SPIDR: variants seen among roughly 807,000 people sequenced by gnomAD.
SPIDR encodes the protein scaffold protein involved in DNA repair.
Under a neutral mutation model 104.6 loss-of-function variants are expected in SPIDR, and 93 were observed. The observed-to-expected ratio is 0.89, with a 90% CI of 0.75 to 1.06. The LOEUF (loss-of-function observed/expected upper bound fraction) is 1.06, where lower values mean the gene tolerates loss of function less well. Ranked by LOEUF, SPIDR falls within the 50% of genes least tolerant of loss-of-function variation. SPIDR has a pLI of 0.00. For missense variants in SPIDR, 1,154 were observed against 1,111.2 expected (o/e 1.04, Z -0.55); for synonymous variants, 431 against 416.9 (o/e 1.03, Z -0.41).
chr8:47,421,945 T>A (rs2154334962), intron 7 of SPIDR, among the ~76,000 whole-genome samples: 1 of 152,290 alleles, frequency 6.6e-6, no homozygotes, highest in African/African-American at 2.4e-5. Flanking sequence ...GAACAGCAAA[T>A]GTTGCAGCCT....
At chr8:47,331,145 T>A (rs1186452803) in intron 5 of SPIDR, among the ~76,000 whole-genome samples, 1 of 152,258 alleles carries the variant, frequency 6.6e-6, no homozygotes, top group East Asian at 1.9e-4. Flanking sequence ...CATCTGTATC[T>A]GTATCTTCTT....
intron 5 of SPIDR, among the ~76,000 whole-genome samples, chr8:47,314,065 T>C (rs1325810056): frequency 6.6e-6 from 1 of 152,212 alleles, no homozygotes; most frequent in African/African-American, 2.4e-5. Context: ...TGTGACTGTT[T>C]AAAGCAGAAA....
chr8:47,720,293 C>T (rs957801849), intron 16 of SPIDR, among the ~76,000 whole-genome samples: 2 of 152,170 alleles, frequency 1.3e-5, no homozygotes, highest in Non-Finnish European at 2.9e-5. Flanking sequence ...CTGCAATAGA[C>T]GTTTGTGAAG....
intron 7 of SPIDR, among the ~76,000 whole-genome samples, chr8:47,423,027 C>T (rs1229685345): frequency 2.0e-5 from 3 of 152,016 alleles, no homozygotes; most frequent in Non-Finnish European, 4.4e-5. Context: ...AGCCAAAGGC[C>T]GGGTGTGGTG....
chr8:47,630,206 T>C (rs1434483381), intron 10 of SPIDR, among the ~76,000 whole-genome samples: 2 of 152,078 alleles, frequency 1.3e-5, no homozygotes, highest in South Asian at 2.1e-4. Context: ...AAAACCCTTA[T>C]AGGAGAATTT....
rs1469946897 is a variant in SPIDR, at chr8:47,554,395, T to C, written c.1098-41416T>C. 6.6e-5 allele frequency among the ~76,000 whole-genome samples: 10 copies of C among 152,194 alleles called. No homozygotes were observed. In the South Asian group the frequency reaches 1.9e-3, roughly 28 times the overall value. The stretch of plus-strand genomic sequence containing the variant: ...CAGGCCTCCTTGAGCTGTGATAGGC[T>C]CCACCCAGTTTGAACTTCCCGGCAC... On this transcript the variant is annotated intron_variant, in intron 8 of 19. Coordinates refer to ENST00000297423, the MANE Select transcript of SPIDR (RefSeq NM_001080394.4).
At chr8:47,549,997 T>G (rs1425316304) in intron 8 of SPIDR, among the ~76,000 whole-genome samples, 1 of 152,216 alleles carries the variant, frequency 6.6e-6, no homozygotes, top group Non-Finnish European at 1.5e-5. Flanking sequence ...TAGCCAGTTT[T>G]CCCAGCACCA....
chr8:47,415,155 G>A (rs527361532), intron 7 of SPIDR, among the ~76,000 whole-genome samples: 1 of 152,118 alleles, frequency 6.6e-6, no homozygotes, highest in Middle Eastern at 3.4e-3. Flanking sequence ...CTCCCGCCTC[G>A]GCCTCCCAGA....
chr8:47,728,071 C>T (rs995216662), intron 17 of SPIDR, among the ~76,000 whole-genome samples: 4 of 149,850 alleles, frequency 2.7e-5, no homozygotes, highest in South Asian at 2.1e-4. Context: ...GAGCCGAGAT[C>T]ACACCACTGC....
At chr8:47,692,214 C>T (rs900641122) in intron 11 of SPIDR, among the ~76,000 whole-genome samples, 3 of 152,036 alleles carry the variant, frequency 2.0e-5, no homozygotes, top group African/African-American at 4.8e-5. Flanking sequence ...TTAAAGTGTA[C>T]GAATCATTGG....
At chr8:47,613,073 G>A (rs1225882416) in intron 10 of SPIDR, among the ~76,000 whole-genome samples, 2 of 152,052 alleles carry the variant, frequency 1.3e-5, no homozygotes, top group Non-Finnish European at 2.9e-5. Flanking sequence ...TCACAATGCT[G>A]TACTACCAAC....
intron 10 of SPIDR, among the ~76,000 whole-genome samples, chr8:47,612,222 G>C: frequency 6.6e-6 from 1 of 152,162 alleles, no homozygotes; most frequent in Non-Finnish European, 1.5e-5. Flanking sequence ...GGCTTATTCA[G>C]CTTTGTACCT....
At chr8:47,441,701 AG>A (rs1335081253) in intron 8 of SPIDR, among the ~76,000 whole-genome samples, 1 of 152,120 alleles carries the variant, frequency 6.6e-6, no homozygotes, top group Non-Finnish European at 1.5e-5. Context: ...TTTGTATCAT[AG>A]ATAGAAAGGT....
At chr8:47,423,288 C>T (rs1160940921) in intron 7 of SPIDR, among the ~76,000 whole-genome samples, 1 of 125,156 alleles carries the variant, frequency 8.0e-6, no homozygotes, top group Non-Finnish European at 1.8e-5. Flanking sequence ...CAGAGCGAGA[C>T]TCTGTCTCAA....
At chr8:47,490,643 A>C (rs1022375215) in intron 8 of SPIDR, among the ~76,000 whole-genome samples, 9 of 152,274 alleles carry the variant, frequency 5.9e-5, no homozygotes, top group Non-Finnish European at 1.2e-4. Flanking sequence ...TGGCACATAT[A>C]CACCATGGAA....
At chr8:47,544,672 T>C (rs757067788) in intron 8 of SPIDR, among the ~76,000 whole-genome samples, 2 of 152,258 alleles carry the variant, frequency 1.3e-5, no homozygotes, top group African/African-American at 2.4e-5. Flanking sequence ...TTTCTGGGTG[T>C]TCTGTTCCGT....
At chr8:47,319,582 G>A (rs2046116242) in intron 5 of SPIDR, among the ~76,000 whole-genome samples, 1 of 152,170 alleles carries the variant, frequency 6.6e-6, no homozygotes, top group African/African-American at 2.4e-5. Context: ...ACTCAACTCT[G>A]CACCAAGCGG....
At chr8:47,358,643 G>A (rs2055062839) in intron 5 of SPIDR, among the ~76,000 whole-genome samples, 1 of 152,150 alleles carries the variant, frequency 6.6e-6, no homozygotes, top group Non-Finnish European at 1.5e-5. Flanking sequence ...ATTTCTCCCT[G>A]TTGCTATTTC....
chr8:47,500,724 A>G lies in SPIDR; in HGVS notation c.1097+60182A>G, dbSNP rs1012463848. On this transcript the variant is annotated intron_variant, in intron 8 of 19. Coordinates refer to ENST00000297423, the MANE Select transcript of SPIDR (RefSeq NM_001080394.4). ...AGATGTGAAGTCCTTGCCCATGCCT[A>G]TGTCCTGAATGGTATTGCCTAGGTT... is the stretch of plus-strand genomic sequence containing the variant. 3.9e-5 allele frequency among the ~76,000 whole-genome samples: 6 copies of G among 152,140 alleles called. No individual in the cohort carries two copies. In the East Asian group the frequency reaches 5.8e-4, roughly 15 times the overall value.
Sources: gnomAD v4.1 joint callset for allele counts (sites outside exome capture counted in the v4.1 genomes callset) on GRCh38, gnomAD v4.1.1 for gene constraint, MANE v1.5 for transcripts, NCBI Gene and HGNC (gene_info 2026-07-23, HGNC 2026-07-21) for gene names.